Variants in GLB1 observed in about 807,000 individuals in gnomAD.
GLB1 encodes beta-galactosidase.
Under a neutral mutation model 74.0 loss-of-function variants are expected in GLB1, and 56 were observed. That is an observed-to-expected ratio of 0.76 (90% CI 0.61 to 0.94). The LOEUF is 0.94. Among genes scored for constraint, GLB1 ranks in the 40% least tolerant of loss-of-function variants. The pLI, the probability that GLB1 is intolerant of heterozygous loss-of-function variation, is 0.00. For synonymous variants in GLB1, 323 were observed against 323.6 expected, an observed-to-expected ratio of 1.00 and a Z score of 0.02; for missense variants, 787 against 845.5, an observed-to-expected ratio of 0.93 and a Z score of 0.86.
chr3:33,049,144 G>A (rs1045910706), intron 9 of GLB1, among the ~76,000 whole-genome samples: 4 of 151,912 alleles, frequency 2.6e-5, no homozygotes, highest in African/African-American at 4.8e-5. Context: ...TTCCTGGATC[G>A]GATGATTGGT....
chr3:33,077,600 T>G (rs1321659122), intron 1 of GLB1: 2 of 409,988 alleles, frequency 4.9e-6, no homozygotes, highest in East Asian at 1.8e-4. Context: ...TACTACAGTA[T>G]AGTTTTCTCT....
At chr3:33,020,558 C>T (rs1307319811) in intron 12 of GLB1, among the ~76,000 whole-genome samples, 2 of 152,186 alleles carry the variant, frequency 1.3e-5, no homozygotes, top group Admixed American at 1.3e-4. Context: ...AGTCTACAAA[C>T]ACCCCGACCT....
chr3:33,051,233 CAAAA>C (rs35399363), intron 9 of GLB1, among the ~76,000 whole-genome samples: 60 of 76,412 alleles, frequency 7.9e-4, no homozygotes, highest in African/African-American at 2.8e-3. Context: ...GACTGCGTCT[CAAAA>C]AAAAAAAAAA....
chr3:33,021,398 A>G, intron 12 of GLB1, 168 bp downstream of exon 12: 2 of 771,062 alleles, frequency 2.6e-6, no homozygotes, highest in Non-Finnish European at 4.3e-6. Flanking sequence ...CCCACCACGC[A>G]GCACTTCAAG....
chr3:33,005,289 C>G (rs932607310), intron 15 of GLB1, among the ~76,000 whole-genome samples: 2 of 152,110 alleles, frequency 1.3e-5, no homozygotes, highest in African/African-American at 4.8e-5. Context: ...GGACAAAGAC[C>G]AAATATATTT....
chr3:33,096,874 C>T (rs1277291148), intron 1 of GLB1, 137 bp downstream of exon 1: 6 of 1,431,992 alleles, frequency 4.2e-6, no homozygotes, highest in Admixed American at 5.7e-5. Context: ...GTTCCGCCGG[C>T]CGCGAGCCTG....
chr3:33,078,562 A>C (rs997073426), intron 1 of GLB1, among the ~76,000 whole-genome samples: 1 of 152,240 alleles, frequency 6.6e-6, no homozygotes, highest in African/African-American at 2.4e-5. Context: ...GGAAGCAATA[A>C]GCCAAATCCA....
chr3:33,081,883 G>A (rs1025196446), intron 1 of GLB1, among the ~76,000 whole-genome samples: 2 of 152,198 alleles, frequency 1.3e-5, no homozygotes, highest in African/African-American at 2.4e-5. Context: ...TGAGCAAAAG[G>A]CTGATGTCAA....
In GLB1 at chr3:33,014,120, G is replaced by C. The variant is rs1697138861; in HGVS notation, c.1670C>G (p.Ser557Cys). 6.2e-7 allele frequency: 1 copy of C among 1,614,188 alleles called. No individual in the cohort carries two copies. Among genetic ancestry groups the C allele is most frequent in the East Asian group, 2.2e-5 (1 of 44,870 alleles). The change falls in exon 15 of 16, where the codon TCC becomes TGC. Residue 557 changes from serine (S) to cysteine (C), a missense_variant. Transcript: ENST00000307363. The part of the protein sequence containing the change: ...TLPAFYMGNF[S>C]IPSGIPDLPQ... ...CAAGTCTGGGATCCCACTGGGAATG[G>C]AGAAGTTCCCCATATAAAAGGCCGG...
chr3:33,014,285 C>G lies in GLB1; in HGVS notation c.1505G>C (p.Ser502Thr). The change falls in exon 15 of 16, where the codon AGT (serine) becomes ACT (threonine). Residue 502 changes from serine to threonine, a missense_variant. By Grantham distance (58) the Ser-to-Thr change is moderately conservative (BLOSUM62 1). Coordinates refer to ENST00000307363, the MANE Select transcript of GLB1 (RefSeq NM_000404.4). Reference sequence around the variant, plus strand: ...CGTCCAGTCCGTGAGGATATTGGAACTGAGAGTCAGGTTAGAAACCAAACC... The same window carrying G: ...CGTCCAGTCCGTGAGGATATTGGAAGTGAGAGTCAGGTTAGAAACCAAACC... ...FKGLVSNLTL[S>T]SNILTDWTIF... 6.2e-7 allele frequency: 1 copy of G among 1,614,084 alleles called. No homozygotes were observed. The highest frequency in any genetic ancestry group is 8.5e-7 in the Non-Finnish European group (1 of 1,180,004).
chr3:33,089,027 T>C (rs1216579392), intron 1 of GLB1, among the ~76,000 whole-genome samples: 1 of 152,180 alleles, frequency 6.6e-6, no homozygotes, highest in Non-Finnish European at 1.5e-5. Flanking sequence ...TCTCTTGATG[T>C]TAGAAAAGGA....
chr3:33,065,891 C>CG (rs1194447990), intron 4 of GLB1, among the ~76,000 whole-genome samples: 14 of 145,856 alleles, frequency 9.6e-5, no homozygotes, highest in African/African-American at 2.5e-4. Flanking sequence ...TGCTTGAACC[C>CG]GGGGGGGCGG....
chr3:33,072,261 T>G (rs932716339), intron 2 of GLB1, among the ~76,000 whole-genome samples: 1 of 152,232 alleles, frequency 6.6e-6, no homozygotes, highest in Non-Finnish European at 1.5e-5. Context: ...GCCCTGTATC[T>G]GGTAAGTGCT....
rs551432277 is a variant in GLB1 at position 33,081,272 on chromosome 3, C to T, written c.76-8559G>A. 1.5e-4 allele frequency among the ~76,000 whole-genome samples: 23 copies of T among 152,262 alleles called. 1 individual carries two copies. In the South Asian group the frequency reaches 3.7e-3, roughly 25 times the overall value. On this transcript the variant is annotated intron_variant, in intron 1 of 15. Coordinates refer to ENST00000307363, the MANE Select transcript of GLB1 (RefSeq NM_000404.4). Reference sequence around the variant, plus strand: ...ACTATGGGGGTCACTGGGAATGGATCTTGAGGGGGAAAATCCCAGGCCGGA... The same window carrying T: ...ACTATGGGGGTCACTGGGAATGGATTTTGAGGGGGAAAATCCCAGGCCGGA...
chr3:33,074,408 G>GAAAGAAAGAAAGAAAGAA lies in GLB1; in HGVS notation c.76-1696_76-1695insTTCTTTCTTTCTTTCTTT, dbSNP rs143322194. On this transcript the variant is annotated intron_variant, in intron 1 of 15. Coordinates refer to ENST00000307363, the MANE Select transcript of GLB1 (RefSeq NM_000404.4). Reference sequence around the variant, plus strand: ...AGGAAGGAAGAAAGAAAGAAAGAAAGAATATTACACATAGTAAAGTATTAC... The same window carrying GAAAGAAAGAAAGAAAGAA: ...AGGAAGGAAGAAAGAAAGAAAGAAAGAAAGAAAGAAAGAAAGAAAATATTACACATAGTAAAGTATTAC... 5.6e-4 allele frequency among the ~76,000 whole-genome samples: 64 copies of GAAAGAAAGAAAGAAAGAA among 113,642 alleles called. 5 individuals carry two copies. The highest frequency in any genetic ancestry group is 1.0e-3 in the African/African-American group (34 of 33,368). The allele number at this position is 113,642 out of a possible 152,430, so 74.6% of individuals were successfully genotyped here.
In GLB1 at chr3:33,050,971, G is replaced by C. The variant is rs374066062; in HGVS notation, c.955+787C>G. Among the ~76,000 whole-genome samples the C allele has an allele frequency of 1.0e-3, 156 of 152,308 alleles. 1 individual carries two copies. Among genetic ancestry groups the C allele is most frequent in the African/African-American group, 3.7e-3 (152 of 41,574 alleles). ...TGTCCAGGCGCAGTGGCTCACGCCT[G>C]TAATCCCAGAACTTTGGGAGGCCAA... On this transcript the variant is annotated intron_variant, in intron 9 of 15. Transcript: ENST00000307363.
chr3:32,979,681 T>C, the GLB1 span, among the ~76,000 whole-genome samples: 2 of 151,672 alleles, frequency 1.3e-5, no homozygotes, highest in African/African-American at 4.8e-5. Context: ...AGTGAGACCC[T>C]GTCTCTACAA....
At chr3:32,998,530 A>G (rs998845254) in intron 15 of GLB1, among the ~76,000 whole-genome samples, 7 of 151,674 alleles carry the variant, frequency 4.6e-5, no homozygotes, top group Admixed American at 4.6e-4. Flanking sequence ...AAAAAAAAAG[A>G]TTTGCTCAAA....
At chr3:33,009,854 G>C (rs1192619176) in intron 15 of GLB1, among the ~76,000 whole-genome samples, 2 of 152,146 alleles carry the variant, frequency 1.3e-5, no homozygotes, top group Non-Finnish European at 2.9e-5. Context: ...TATAAATGGA[G>C]TCATACAATA....
Sources: allele counts gnomAD v4.1 joint callset (sites outside exome capture counted in the v4.1 genomes callset), GRCh38; gene constraint gnomAD v4.1.1; transcripts MANE v1.5; gene names NCBI Gene and HGNC (gene_info 2026-07-23, HGNC 2026-07-21).